The following RBFOX1 variants were observed in gnomAD, a reference collection of about 807,000 sequenced individuals.
RBFOX1 encodes RNA binding protein fox-1 homolog 1.
In RBFOX1, 8 loss-of-function variants were observed where a neutral mutation model predicts 57.7. The observed-to-expected ratio is 0.14, with a 90% CI of 0.08 to 0.25. The LOEUF (loss-of-function observed/expected upper bound fraction) is 0.25, where lower values mean the gene tolerates loss of function less well. RBFOX1 is among the 10% of genes least tolerant of loss of function. The pLI is 1.00. For synonymous variants in RBFOX1, 326 were observed against 222.4 expected (o/e 1.47, Z -4.15); for missense variants, 611 against 548.5 (o/e 1.11, Z -1.14).
rs201157115 is a variant in RBFOX1, at chr16:7,507,564, TC to T, written c.28-10582del. On this transcript the variant is annotated intron_variant, in intron 4 of 15. Coordinates refer to ENST00000550418, the MANE Select transcript of RBFOX1 (RefSeq NM_018723.4). ...GAACGTGATTTTTTTTTTCTTTCTT[TC>T]TTTTTTTTTTTTTTTTGAGACGGAG... Among the ~76,000 whole-genome samples the T allele has an allele frequency of 3.6e-3, 498 of 137,580 alleles. 25 individuals carry two copies. The highest frequency in any genetic ancestry group is 0.011 in the African/African-American group (425 of 38,184). 90.3% of individuals were successfully genotyped at this position (137,580 alleles called of 152,430 possible). A position where few individuals can be genotyped will look rare whatever the true frequency, so the allele number is the denominator to read the frequency against.
At chr16:7,495,903 AT>A (rs35956356) in intron 4 of RBFOX1, among the ~76,000 whole-genome samples, 117,614 of 151,982 alleles carry the variant, frequency 0.77, 45,535 homozygotes, top group South Asian at 0.81. Flanking sequence ...ATACTAGACT[AT>A]TTTTTTTGAA....
chr16:6,385,766 A>G (rs2092225743), intron 2 of RBFOX1, among the ~76,000 whole-genome samples: 1 of 152,184 alleles, frequency 6.6e-6, no homozygotes, highest in Non-Finnish European at 1.5e-5. Context: ...TACACATCGT[A>G]TTTAGCAAAA....
At chr16:6,450,375 C>T (rs546044769) in intron 2 of RBFOX1, among the ~76,000 whole-genome samples, 3 of 152,132 alleles carry the variant, frequency 2.0e-5, no homozygotes, top group East Asian at 1.9e-4. Flanking sequence ...ATAAAACCTC[C>T]GTTTGCTCCA....
At chr16:6,552,675 A>G (rs1370350839) in intron 2 of RBFOX1, among the ~76,000 whole-genome samples, 1 of 152,150 alleles carries the variant, frequency 6.6e-6, no homozygotes, top group Non-Finnish European at 1.5e-5. Flanking sequence ...AAATTTGTAT[A>G]TTCCTTTTGT....
At chr16:5,509,951 C>A (rs567998255) in intron 2 of RBFOX1, among the ~76,000 whole-genome samples, 10 of 152,286 alleles carry the variant, frequency 6.6e-5, no homozygotes, top group African/African-American at 2.2e-4. Context: ...AGCAGGTGGT[C>A]ATGTGATGTC....
intron 1 of RBFOX1, among the ~76,000 whole-genome samples, chr16:6,308,134 A>G (rs930702711): frequency 6.6e-6 from 1 of 151,476 alleles, no homozygotes; most frequent in African/African-American, 2.4e-5. Flanking sequence ...GATAATTTCT[A>G]TTATTTACTG....
At chr16:6,681,057 T>G (rs9936613) in intron 3 of RBFOX1, among the ~76,000 whole-genome samples, 1 of 152,046 alleles carries the variant, frequency 6.6e-6, no homozygotes, top group South Asian at 2.1e-4. Flanking sequence ...ACACCCATAA[T>G]GCCAGTCCTT....
At chr16:6,801,497 C>G (rs139909679) in intron 3 of RBFOX1, among the ~76,000 whole-genome samples, 1 of 152,156 alleles carries the variant, frequency 6.6e-6, no homozygotes, top group African/African-American at 2.4e-5. Flanking sequence ...TATAGTGACT[C>G]AATAAAATTC....
intron 2 of RBFOX1, among the ~76,000 whole-genome samples, chr16:6,603,263 C>A (rs1290347223): frequency 6.6e-6 from 1 of 152,092 alleles, no homozygotes; most frequent in East Asian, 1.9e-4. Context: ...GAGAGACTGA[C>A]CCCGGGGAAA....
Position 5,981,201 on chromosome 16 carries a change from C to T in RBFOX1, c.351+113866C>T, listed in dbSNP as rs547557431. Among the ~76,000 whole-genome samples the T allele has an allele frequency of 7.2e-5, 11 of 151,958 alleles. 2 individuals are homozygous for T. In the South Asian group the frequency reaches 1.5e-3, roughly 20 times the overall value. On this transcript the variant is annotated intron_variant, in intron 4 of 19. Transcript: ENST00000641259. ...TGATTAAATAATAGTACAGGCTCTG[C>T]GCCTTGGCAGCAGCAATGTGAAGGG...
intron 3 of RBFOX1, among the ~76,000 whole-genome samples, chr16:6,675,986 C>G (rs1440479640): frequency 6.6e-6 from 1 of 151,902 alleles, no homozygotes; most frequent in East Asian, 1.9e-4. Flanking sequence ...ACGTGGACAC[C>G]AAGGGCGATG....
At chr16:7,040,768 A>C (rs1018922808) in intron 3 of RBFOX1, among the ~76,000 whole-genome samples, 1 of 152,266 alleles carries the variant, frequency 6.6e-6, no homozygotes, top group African/African-American at 2.4e-5. Context: ...TGTCATAGAC[A>C]TCATTCCTGA....
chr16:6,804,744 C>G (rs1355822952), intron 3 of RBFOX1, among the ~76,000 whole-genome samples: 1 of 152,086 alleles, frequency 6.6e-6, no homozygotes, highest in Non-Finnish European at 1.5e-5. Context: ...CATGAGAGCC[C>G]TAGAATGGGA....
chr16:5,585,981 G>A (rs2151169299), intron 2 of RBFOX1, among the ~76,000 whole-genome samples: 1 of 152,228 alleles, frequency 6.6e-6, no homozygotes, highest in Non-Finnish European at 1.5e-5. Flanking sequence ...TAAATTCAGG[G>A]ATGTCATGAT....
At chr16:7,550,059 A>C (rs2085859822) in intron 5 of RBFOX1, among the ~76,000 whole-genome samples, 1 of 152,000 alleles carries the variant, frequency 6.6e-6, no homozygotes, top group African/African-American at 2.4e-5. Context: ...CCTCCCTAGT[A>C]GCTGGGAACA....
intron 4 of RBFOX1, among the ~76,000 whole-genome samples, chr16:7,068,741 C>G (rs544471113): frequency 6.6e-6 from 1 of 152,124 alleles, no homozygotes; most frequent in Non-Finnish European, 1.5e-5. Context: ...GTCCCTGCCA[C>G]CACACCCAGC....
chr16:6,522,902 A>C (rs971355774), intron 2 of RBFOX1, among the ~76,000 whole-genome samples: 7 of 151,800 alleles, frequency 4.6e-5, no homozygotes, highest in African/African-American at 1.2e-4. Flanking sequence ...ATCCCACCTA[A>C]GTTCATTTTG....
At chr16:7,165,926 A>G (rs527438958) in intron 4 of RBFOX1, among the ~76,000 whole-genome samples, 1 of 111,160 alleles carries the variant, frequency 9.0e-6, no homozygotes, top group South Asian at 3.5e-4. Context: ...ACCCCACCGC[A>G]TGCACATACA....
intron 3 of RBFOX1, among the ~76,000 whole-genome samples, chr16:6,903,765 C>A (rs981176952): frequency 1.3e-5 from 2 of 152,248 alleles, no homozygotes; most frequent in Non-Finnish European, 2.9e-5. Flanking sequence ...AGGCAGAGGG[C>A]TGAGGGCCTT....
Sources: gnomAD v4.1 joint callset for allele counts (sites outside exome capture counted in the v4.1 genomes callset) on GRCh38, gnomAD v4.1.1 for gene constraint, MANE v1.5 for transcripts, NCBI Gene and HGNC (gene_info 2026-07-23, HGNC 2026-07-21) for gene names.